Variants in GPR158 observed in about 807,000 individuals in gnomAD.
The protein encoded by GPR158 is metabotropic glycine receptor.
GPR158 carries 30 observed loss-of-function variants against 78.2 expected under a neutral mutation model. The observed-to-expected ratio is 0.38, with a 90% CI of 0.29 to 0.52. The LOEUF (loss-of-function observed/expected upper bound fraction) is 0.52, where lower values mean the gene tolerates loss of function less well. Among genes scored for constraint, GPR158 ranks in the 20% least tolerant of loss-of-function variants. The pLI is 0.83. For synonymous variants in GPR158, 581 were observed against 591.1 expected, an observed-to-expected ratio of 0.98 and a Z score of 0.25; for missense variants, 1,463 against 1,523.5, an observed-to-expected ratio of 0.96 and a Z score of 0.66.
At chr10:25,235,341 G>A (rs1036126812) in intron 2 of GPR158, among the ~76,000 whole-genome samples, 1 of 150,284 alleles carries the variant, frequency 6.7e-6, no homozygotes, top group African/African-American at 2.4e-5. Flanking sequence ...TCTATTCCAT[G>A]ATGCTTTGAT....
At chr10:25,220,535 A>G (rs1334931462) in intron 1 of GPR158, among the ~76,000 whole-genome samples, 1 of 152,230 alleles carries the variant, frequency 6.6e-6, no homozygotes, top group Non-Finnish European at 1.5e-5. Context: ...AATGTGGAAC[A>G]CTGGGAGACC....
intron 2 of GPR158, among the ~76,000 whole-genome samples, chr10:25,302,765 T>C (rs1462367472): frequency 6.6e-6 from 1 of 152,198 alleles, no homozygotes; most frequent in Non-Finnish European, 1.5e-5. Flanking sequence ...TGCTATCTAA[T>C]AGAACTTTCT....
chr10:25,499,179 T>C (rs1386764430), intron 5 of GPR158, among the ~76,000 whole-genome samples: 1 of 150,696 alleles, frequency 6.6e-6, no homozygotes, highest in African/African-American at 2.5e-5. Flanking sequence ...TTTTCTGATT[T>C]CAGTAAAACT....
chr10:25,491,443 G>A (rs939413609), intron 5 of GPR158, among the ~76,000 whole-genome samples: 1 of 152,190 alleles, frequency 6.6e-6, no homozygotes, highest in East Asian at 1.9e-4. Context: ...ACTTAAAAAA[G>A]AATGAAGTAT....
chr10:25,499,775 C>A (rs1162907264), intron 5 of GPR158, among the ~76,000 whole-genome samples: 5 of 152,268 alleles, frequency 3.3e-5, no homozygotes, highest in South Asian at 2.1e-4. Flanking sequence ...GCACTCCAGG[C>A]AACATGCATA....
chr10:25,472,017 G>T (rs542989925), intron 5 of GPR158, among the ~76,000 whole-genome samples: 8 of 152,062 alleles, frequency 5.3e-5, no homozygotes, highest in South Asian at 4.2e-4. Flanking sequence ...TTTTGGTGTT[G>T]TAGACATGAA....
At chr10:25,337,471 G>A (rs919950801) in intron 2 of GPR158, among the ~76,000 whole-genome samples, 5 of 151,920 alleles carry the variant, frequency 3.3e-5, no homozygotes, top group African/African-American at 1.2e-4. Context: ...TGTATATCTT[G>A]CGTAGCAATA....
chr10:25,552,488 T>TAAATGCTAG (rs150476075), intron 6 of GPR158, among the ~76,000 whole-genome samples: 11,057 of 152,228 alleles, frequency 0.073, 880 homozygotes, highest in East Asian at 0.46. Flanking sequence ...CCTGTTAGTC[T>TAAATGCTAG]AGCATTTAGT....
intron 2 of GPR158, among the ~76,000 whole-genome samples, chr10:25,343,560 C>T (rs1855332688): frequency 6.6e-6 from 1 of 151,908 alleles, no homozygotes; most frequent in South Asian, 2.1e-4. Flanking sequence ...CATAGTTTAT[C>T]CCTGATTTAT....
At chr10:25,278,659 G>A (rs1044921952) in intron 2 of GPR158, among the ~76,000 whole-genome samples, 2 of 151,776 alleles carry the variant, frequency 1.3e-5, no homozygotes. Context: ...AATATTAAAA[G>A]TAGACTGAGT....
At chr10:25,399,403 A>T (rs757571351) in intron 3 of GPR158, among the ~76,000 whole-genome samples, 1 of 152,156 alleles carries the variant, frequency 6.6e-6, no homozygotes, top group Non-Finnish European at 1.5e-5. Context: ...AGATTCTCAT[A>T]GAAGTGCAAA....
chr10:25,240,398 A>G (rs1450563479), intron 2 of GPR158, among the ~76,000 whole-genome samples: 3 of 152,130 alleles, frequency 2.0e-5, no homozygotes, highest in Admixed American at 2.0e-4. Context: ...AATCCCAGCT[A>G]CTTGGGAGGC....
intron 5 of GPR158, among the ~76,000 whole-genome samples, chr10:25,508,154 A>C (rs1836039095): frequency 6.6e-6 from 1 of 152,042 alleles, no homozygotes. Context: ...TTATTTATTT[A>C]TTTATTTTTT....
intron 5 of GPR158, among the ~76,000 whole-genome samples, chr10:25,530,092 G>A (rs189561857): frequency 5.2e-4 from 79 of 152,194 alleles, no homozygotes; most frequent in African/African-American, 1.8e-3. Context: ...GTGGGGAGGC[G>A]GGAGATGGGT....
In GPR158 at chr10:25,432,648, T is replaced by C. The variant is rs193182328; in HGVS notation, c.1335+20175T>C. On this transcript the variant is annotated intron_variant, in intron 4 of 10. Coordinates refer to ENST00000376351, the MANE Select transcript of GPR158 (RefSeq NM_020752.3). Reference sequence around the variant, plus strand: ...TAGTATTTAACCATCACATTCCCTATTACATTTCCACCATTTATTGAAATT... The same window carrying C: ...TAGTATTTAACCATCACATTCCCTACTACATTTCCACCATTTATTGAAATT... Among the ~76,000 whole-genome samples the C allele has an allele frequency of 3.9e-5, 6 of 152,300 alleles. No homozygotes were observed. The East Asian group carries it at 1.2e-3, about 29-fold the overall frequency.
intron 8 of GPR158, among the ~76,000 whole-genome samples, chr10:25,590,058 G>T (rs1266647613): frequency 6.6e-6 from 1 of 152,096 alleles, no homozygotes; most frequent in Non-Finnish European, 1.5e-5. Context: ...CTCTCCTGGA[G>T]ATCAGTGAGA....
Position 25,589,080 on chromosome 10 carries a change from G to A in GPR158, c.1827G>A (p.Glu609=), listed in dbSNP as rs1336473338. The A allele has an allele frequency of 1.2e-6, 2 of 1,612,042 alleles. No individual in the cohort carries two copies. The highest frequency in any genetic ancestry group is 4.5e-5 in the East Asian group (2 of 44,848). Residue 609 remains glutamate, a synonymous_variant, in exon 8 of 11, where the codon GAG becomes GAA. Transcript: ENST00000376351. ...GGACAGTCCCATCGGCATTCCATGA[G>A]CCCCGCTATATGGCTGTTGCAGTTC... ...AVRTVPSAFH[E]PRYMAVAVHN... is the part of the protein sequence containing the mutation.
chr10:25,246,222 T>G (rs1033251122), intron 2 of GPR158, among the ~76,000 whole-genome samples: 3 of 152,192 alleles, frequency 2.0e-5, no homozygotes, highest in Admixed American at 2.0e-4. Context: ...CAAGTAGTAA[T>G]GCCAAATTTG....
intron 5 of GPR158, among the ~76,000 whole-genome samples, chr10:25,477,213 T>A (rs942993799): frequency 6.6e-6 from 1 of 152,064 alleles, no homozygotes; most frequent in African/African-American, 2.4e-5. Context: ...TGATTACAGC[T>A]TAAAGGAAGG....
Sources: allele counts gnomAD v4.1 joint callset (sites outside exome capture counted in the v4.1 genomes callset), GRCh38; gene constraint gnomAD v4.1.1; transcripts MANE v1.5; gene names NCBI Gene and HGNC (gene_info 2026-07-23, HGNC 2026-07-21).